Variants in TERF1 observed in about 807,000 individuals in gnomAD.
TERF1 encodes telomeric repeat binding factor 1, also known as telomeric repeat-binding factor 1.
Under a neutral mutation model 55.1 loss-of-function variants are expected in TERF1, and 20 were observed. That is an observed-to-expected ratio of 0.36 (90% CI 0.26 to 0.53). TERF1 has a LOEUF of 0.53. Ranked by LOEUF, TERF1 falls within the 20% of genes least tolerant of loss-of-function variation. The pLI, the probability that TERF1 is intolerant of heterozygous loss-of-function variation, is 0.91. For missense variants in TERF1, 439 were observed against 535.7 expected (o/e 0.82, Z 1.78); for synonymous variants, 168 against 181.2 (o/e 0.93, Z 0.59).
rs1280363821 is a variant in TERF1, at chr8:73,046,628, TGGGATTACA to T, written c.*494_*502del. The T allele has an allele frequency of 6.6e-6, 1 of 152,264 alleles. No homozygotes were observed. The highest frequency in any genetic ancestry group is 2.4e-5 in the African/African-American group (1 of 41,432). 9.4% of individuals were successfully genotyped at this position (152,264 alleles called of 1,614,324 possible). A position where few individuals can be genotyped will look rare whatever the true frequency, so the allele number is the denominator to read the frequency against. The stretch of plus-strand genomic sequence containing the variant: ...CTCCTGCCTCAGCCTCCTGAGTAGC[TGGGATTACA>T]GGCACACACCACCACGCCCAGCTAA... On this transcript the variant is annotated 3_prime_UTR_variant, in exon 10 of 10. Transcript: ENST00000276603.
chr8:73,015,776 G>T (rs1054157353), intron 2 of TERF1, among the ~76,000 whole-genome samples: 2 of 152,204 alleles, frequency 1.3e-5, no homozygotes, highest in African/African-American at 4.8e-5. Flanking sequence ...GTGGTTAGCT[G>T]TGATTGTGCC....
intron 2 of TERF1, among the ~76,000 whole-genome samples, chr8:73,018,077 A>G (rs1808597236): frequency 6.6e-6 from 1 of 152,220 alleles, no homozygotes; most frequent in South Asian, 2.1e-4. Context: ...AACCATTGGC[A>G]TAATGCACAA....
intron 3 of TERF1, among the ~76,000 whole-genome samples, chr8:73,021,351 G>A (rs895160056): frequency 4.6e-5 from 7 of 151,540 alleles, no homozygotes; most frequent in Admixed American, 3.9e-4. Context: ...TTGTCAAGTA[G>A]AATTAGGACC....
chr8:73,023,378 A>G (rs2129784670), intron 4 of TERF1, among the ~76,000 whole-genome samples: 1 of 152,302 alleles, frequency 6.6e-6, no homozygotes, highest in Non-Finnish European at 1.5e-5. Context: ...GAATAATCAG[A>G]TTGAGCACCT....
At chr8:73,014,051 T>G in intron 2 of TERF1, 61 bp downstream of exon 2, 1 of 1,412,910 alleles carries the variant, frequency 7.1e-7, no homozygotes, top group Non-Finnish European at 1.0e-6. Context: ...TGTAAGACAA[T>G]GGGAAGAAAC....
Position 73,037,864 on chromosome 8 carries a change from G to GATATATAATATATATAAAT in TERF1, c.1040-1249_1040-1231dup, listed in dbSNP as rs1809658730. 1.2e-4 allele frequency among the ~76,000 whole-genome samples: 12 copies of GATATATAATATATATAAAT among 96,422 alleles called. No homozygotes were observed. In the South Asian group the frequency reaches 2.4e-3, roughly 19 times the overall value. 63.3% of individuals were successfully genotyped at this position (96,422 alleles called of 152,430 possible). ...TATATAATATATAATATATAAATAT[G>GATATATAATATATATAAAT]ATATATAATATATATAAATATGATA... On this transcript the variant is annotated intron_variant, in intron 8 of 9. Transcript: ENST00000276603.
intron 8 of TERF1, among the ~76,000 whole-genome samples, chr8:73,035,587 A>G (rs563412532): frequency 9.9e-5 from 15 of 152,232 alleles, no homozygotes; most frequent in African/African-American, 3.1e-4. Flanking sequence ...CTATATATGT[A>G]CTCATTTCCT....
chr8:73,041,700 T>C (rs1809838319), intron 9 of TERF1, among the ~76,000 whole-genome samples: 1 of 152,174 alleles, frequency 6.6e-6, no homozygotes, highest in South Asian at 2.1e-4. Context: ...GTATTTCTAA[T>C]TGGGGAGTAT....
At chr8:73,016,437 CTT>C (rs1203829786) in intron 2 of TERF1, among the ~76,000 whole-genome samples, 57 of 135,550 alleles carry the variant, frequency 4.2e-4, no homozygotes, top group Admixed American at 5.2e-4. Context: ...GAACTTTAAG[CTT>C]TTTTTTTTTT....
intron 9 of TERF1, among the ~76,000 whole-genome samples, chr8:73,043,891 T>G (rs185400322): frequency 6.6e-6 from 1 of 152,294 alleles, no homozygotes; most frequent in African/African-American, 2.4e-5. Context: ...ATGGCAAGTT[T>G]TTGAAAGAAC....
chr8:73,032,689 C>T (rs1038120480), intron 8 of TERF1, among the ~76,000 whole-genome samples: 6 of 152,030 alleles, frequency 3.9e-5, no homozygotes, highest in Admixed American at 2.0e-4. Context: ...TAAAGCAATC[C>T]GTGACTGTAG....
At chr8:73,018,345 C>T (rs1191036905) in intron 2 of TERF1, among the ~76,000 whole-genome samples, 1 of 152,208 alleles carries the variant, frequency 6.6e-6, no homozygotes, top group South Asian at 2.1e-4. Flanking sequence ...CATGCTCACT[C>T]TGGTTTTTCA....
chr8:73,024,932 T>G lies in TERF1; in HGVS notation c.735T>G (p.Asn245Lys). ...TGGAGAAAATTAAGAGTTATGTGAA[T>G]TATGTGCTAAGTGAAAAATCATCAA... The part of the protein sequence containing the change: ...HMMEKIKSYV[N>K]YVLSEKSSTF... Residue 245 changes from asparagine to lysine, a missense_variant, in exon 5 of 10, where the codon AAT becomes AAG. Transcript: ENST00000276603. 1 of 1,581,730 alleles carries G rather than the reference T, an allele frequency of 6.3e-7. No individual in the cohort carries two copies. Among genetic ancestry groups the G allele is most frequent in the Non-Finnish European group, 8.6e-7 (1 of 1,167,918 alleles).
intron 8 of TERF1, among the ~76,000 whole-genome samples, chr8:73,037,650 ATTATAT>A (rs1326061117): frequency 1.4e-5 from 1 of 73,180 alleles, no homozygotes; most frequent in Non-Finnish European, 2.5e-5. Context: ...TATAATATAT[ATTATAT>A]GTATAATAAT....
At chr8:73,040,103 A>G (rs533708135) in intron 9 of TERF1, among the ~76,000 whole-genome samples, 93 of 151,716 alleles carry the variant, frequency 6.1e-4, no homozygotes, top group African/African-American at 2.2e-3. Flanking sequence ...CTGTGACTCA[A>G]AGTTATGTTA....
Position 73,030,358 on chromosome 8 carries a change from G to A in TERF1, c.910G>A (p.Val304Ile), listed in dbSNP as rs772982906. 2.0e-6 allele frequency: 3 copies of A among 1,524,628 alleles called. No homozygotes were observed. Among genetic ancestry groups the A allele is most frequent in the Non-Finnish European group, 2.6e-6 (3 of 1,147,402 alleles). The allele number at this position is 1,524,628 out of a possible 1,614,324, so 94.4% of individuals were successfully genotyped here. A position where few individuals can be genotyped will look rare whatever the true frequency, so the allele number is the denominator to read the frequency against. ...RKSVSDKQSAVTESSEGTVSL... is the reference protein window; with the variant it reads ...RKSVSDKQSAITESSEGTVSL... ...AAGTGTTAGTGACAAACAGTCTGCG[G>A]TAACTGAATCCTCAGAGGGTACAGT... The change falls in exon 7 of 10, where the codon GTA (valine) becomes ATA (isoleucine). Residue 304 changes from valine (V) to isoleucine (I), a missense_variant. Physicochemically the swap from Val to Ile is conservative, Grantham distance 29. This residue lies in a region of TERF1 where 140 missense variants were observed against 158.6 expected (regional missense o/e 0.88). Coordinates refer to ENST00000276603, the MANE Select transcript of TERF1 (RefSeq NM_017489.3).
At chr8:73,037,739 AT>A (rs1809627570) in intron 8 of TERF1, among the ~76,000 whole-genome samples, 4 of 84,674 alleles carry the variant, frequency 4.7e-5, no homozygotes, top group South Asian at 5.3e-4. Flanking sequence ...ATAGTATGAA[AT>A]ATATATTATA....
chr8:73,045,457 A>C (rs955462128), intron 9 of TERF1, among the ~76,000 whole-genome samples: 1 of 152,186 alleles, frequency 6.6e-6, no homozygotes, highest in African/African-American at 2.4e-5. Context: ...CATAAAATTA[A>C]ATGTTTTTAA....
In TERF1 at chr8:73,009,073, G is replaced by T. The variant is rs750271429; in HGVS notation, c.187G>T (p.Asp63Tyr). 1.2e-6 allele frequency: 2 copies of T among 1,609,398 alleles called. No homozygotes were observed. The highest frequency in any genetic ancestry group is 1.7e-6 in the Non-Finnish European group (2 of 1,178,266). ...CGAGGAGGAGGAGGAGGAGGAGGAGGACGCGGGCCTGGTGGCCGAGGCCGA... is the reference window on the plus strand; with the variant it reads ...CGAGGAGGAGGAGGAGGAGGAGGAGTACGCGGGCCTGGTGGCCGAGGCCGA... ...APEEEEEEEE[D>Y]AGLVAEAEAV... is the part of the protein sequence containing the mutation. The change falls in exon 1 of 10, where the codon GAC becomes TAC. Residue 63 changes from aspartate to tyrosine, a missense_variant. Around this residue, in one of 4 missense-constraint regions of TERF1, gnomAD observed 179 missense variants for 152.6 expected, o/e 1.17. Coordinates refer to ENST00000276603, the MANE Select transcript of TERF1 (RefSeq NM_017489.3).
Sources: allele counts gnomAD v4.1 joint callset (sites outside exome capture counted in the v4.1 genomes callset), GRCh38; gene constraint gnomAD v4.1.1; regional missense constraint gnomAD v4.1.1; transcripts MANE v1.5; gene names NCBI Gene and HGNC (gene_info 2026-07-23, HGNC 2026-07-21).